Variants in VCPIP1 observed in about 807,000 individuals in gnomAD.
VCPIP1 encodes the protein valosin containing protein interacting protein 1, also known as deubiquitinating protein VCPIP1.
A neutral mutation model predicts 85.0 loss-of-function variants in VCPIP1; 8 were observed. That is an observed-to-expected ratio of 0.09 (90% CI 0.06 to 0.17). The LOEUF (loss-of-function observed/expected upper bound fraction) is 0.17. Among genes scored for constraint, VCPIP1 ranks in the 10% least tolerant of loss-of-function variants. The pLI, the probability that VCPIP1 is intolerant of heterozygous loss-of-function variation, is 1.00. For synonymous variants in VCPIP1, 543 were observed against 544.5 expected (o/e 1.00, Z 0.04); for missense variants, 1,070 against 1,486.3 (o/e 0.72, Z 4.61).
At position 66,649,222 on chromosome 8, in the gene VCPIP1, T is replaced by C. The variant is rs1811028467; in HGVS notation, c.2797+2236A>G. Among the ~76,000 whole-genome samples, 4 of 151,054 alleles carry C rather than the reference T, an allele frequency of 2.6e-5. No homozygotes were observed. The South Asian group carries it at 8.4e-4, about 32-fold the overall frequency. On this transcript the variant is annotated intron_variant, in intron 2 of 2. Transcript: ENST00000310421. ...TTATATAAACAGGCAGCAGGCTGGGTGCAGTAGCTCATGCTTGTAATCTGT... is the reference window on the plus strand; with the variant it reads ...TTATATAAACAGGCAGCAGGCTGGGCGCAGTAGCTCATGCTTGTAATCTGT...
chr8:66,638,974 A>C (rs531556429), intron 2 of VCPIP1, among the ~76,000 whole-genome samples: 2,005 of 132,940 alleles, frequency 0.015, 47 homozygotes, highest in African/African-American at 0.041. Context: ...CTCTCTCTAT[A>C]TATATATATA....
Position 66,666,574 on chromosome 8 carries a change from A to G in VCPIP1, c.385T>C (p.Leu129=), listed in dbSNP as rs746510915. The change falls in exon 1 of 3, where the codon TTG becomes CTG. Residue 129 remains leucine (L), a synonymous_variant. Transcript: ENST00000310421. The surrounding 1 kb of genome is among the most constrained non-coding windows in gnomAD (Gnocchi z 6.3). The stretch of plus-strand genomic sequence containing the variant: ...TAGCGAGCTAATATGGGCGACAACA[A>G]TTTGCAGTGATAGTTGGAAAGGCCC... ...VMGLSNYHCK[L]LSPILARYGM... The G allele has an allele frequency of 6.2e-7, 1 of 1,614,058 alleles. No individual in the cohort carries two copies. Among genetic ancestry groups the G allele is most frequent in the Non-Finnish European group, 8.5e-7 (1 of 1,179,996 alleles).
At chr8:66,658,092 T>C (rs1811117416) in intron 1 of VCPIP1, among the ~76,000 whole-genome samples, 1 of 152,116 alleles carries the variant, frequency 6.6e-6, no homozygotes, top group Non-Finnish European at 1.5e-5. Flanking sequence ...TCCCAGCACT[T>C]TGGGAGGCCC....
rs761465068 is a variant in VCPIP1, at chr8:66,651,534, T to C, written c.2721A>G (p.Val907=). The change falls in exon 2 of 3, where the codon GTA becomes GTG. Residue 907 remains valine (V), a synonymous_variant. Transcript: ENST00000310421. ...CLLATLMGED[V]WSYAKGLPHM... is the part of the protein sequence containing the mutation. ...GAGGAAGTCCCTTTGCATAAGACCATACATCTTCTCCTGTAAGACAAAAAC... is the reference window on the plus strand; with the variant it reads ...GAGGAAGTCCCTTTGCATAAGACCACACATCTTCTCCTGTAAGACAAAAAC... 2 of 1,613,134 alleles carry C rather than the reference T, an allele frequency of 1.2e-6. No homozygotes were observed. Among genetic ancestry groups the C allele is most frequent in the Non-Finnish European group, 1.7e-6 (2 of 1,179,750 alleles).
chr8:66,642,977 A>G (rs986936316), intron 2 of VCPIP1, among the ~76,000 whole-genome samples: 3 of 152,218 alleles, frequency 2.0e-5, no homozygotes, highest in African/African-American at 7.2e-5. Context: ...GAATTTAAAA[A>G]AAGAAGAAAA....
At chr8:66,661,060 A>G (rs143738195) in intron 1 of VCPIP1, among the ~76,000 whole-genome samples, 73 of 152,310 alleles carry the variant, frequency 4.8e-4, no homozygotes, top group African/African-American at 1.5e-3. Flanking sequence ...AATCTTCTAC[A>G]TAATTCAAAT....
chr8:66,646,432 T>G (rs1323913710), intron 2 of VCPIP1, among the ~76,000 whole-genome samples: 5 of 152,182 alleles, frequency 3.3e-5, no homozygotes, highest in Non-Finnish European at 7.3e-5. Flanking sequence ...AGGCACAGCC[T>G]GTATATTCAA....
intron 1 of VCPIP1, among the ~76,000 whole-genome samples, chr8:66,661,428 T>C (rs541067476): frequency 3.3e-5 from 5 of 152,224 alleles, no homozygotes; most frequent in Non-Finnish European, 7.4e-5. Context: ...TATATTTGAT[T>C]AATTTTCATT....
chr8:66,629,185 T>TTAAG lies in VCPIP1; in HGVS notation c.*5312_*5315dup, dbSNP rs1015675610. On this transcript the variant is annotated 3_prime_UTR_variant, in exon 3 of 3. Coordinates refer to ENST00000310421, the MANE Select transcript of VCPIP1 (RefSeq NM_025054.5). ...AATCATCAGATACGTGTTAACTCAT[T>TTAAG]TAAGACAGCCACCCTGGGAGCAGAT... 3.8e-4 allele frequency: 58 copies of TTAAG among 152,230 alleles called. No homozygotes were observed. The highest frequency in any genetic ancestry group is 1.4e-3 in the African/African-American group (57 of 41,534). The allele number at this position is 152,230 out of a possible 1,614,324, so 9.4% of individuals were successfully genotyped here. A position where few individuals can be genotyped will look rare whatever the true frequency, so the allele number is the denominator to read the frequency against.
intron 2 of VCPIP1, among the ~76,000 whole-genome samples, chr8:66,636,888 CCTGATATAT>C (rs1428400529): frequency 3.9e-4 from 60 of 152,000 alleles, no homozygotes; most frequent in African/African-American, 1.4e-3. Flanking sequence ...AGCTGTGATG[CCTGATATAT>C]ACAGTAAAAT....
chr8:66,664,133 A>T (rs970086643), intron 1 of VCPIP1, 116 bp downstream of exon 1: 8 of 1,273,670 alleles, frequency 6.3e-6, no homozygotes, highest in African/African-American at 1.5e-5. Flanking sequence ...CTCTCCTGAA[A>T]TATATAATTA....
chr8:66,640,897 A>G (rs759345126), intron 2 of VCPIP1, among the ~76,000 whole-genome samples: 12 of 152,232 alleles, frequency 7.9e-5, no homozygotes, highest in African/African-American at 2.9e-4. Flanking sequence ...GATGCCAGAG[A>G]AGAACTTGGG....
At chr8:66,661,749 T>A (rs1432889558) in intron 1 of VCPIP1, among the ~76,000 whole-genome samples, 1 of 149,886 alleles carries the variant, frequency 6.7e-6, no homozygotes, top group Admixed American at 6.6e-5. Flanking sequence ...AATCTATATA[T>A]AATCATACCG....
Position 66,666,777 on chromosome 8 carries a change from G to C in VCPIP1, c.182C>G (p.Pro61Arg). The C allele has an allele frequency of 6.2e-7, 1 of 1,613,404 alleles. No individual in the cohort carries two copies. The highest frequency in any genetic ancestry group is 8.5e-7 in the Non-Finnish European group (1 of 1,179,488). Reference protein sequence around the residue: ...DPKCQARLFFPASGSVSIECT... With the variant: ...DPKCQARLFFRASGSVSIECT... ...CTCGATGCTGACAGAACCGGAGGCC[G>C]GGAAAAATAGACGCGCCTGACACTT... Residue 61 changes from proline to arginine, a missense_variant, in exon 1 of 3, where the codon CCG (proline) becomes CGG (arginine). Physicochemically the swap from Pro to Arg is moderately radical, Grantham distance 103 (BLOSUM62 -2). Coordinates refer to ENST00000310421, the MANE Select transcript of VCPIP1 (RefSeq NM_025054.5). The surrounding 1 kb of genome is among the most constrained non-coding windows in gnomAD (Gnocchi z 6.3).
chr8:66,662,490 T>C (rs1811167206), intron 1 of VCPIP1, among the ~76,000 whole-genome samples: 1 of 152,160 alleles, frequency 6.6e-6, no homozygotes, highest in Non-Finnish European at 1.5e-5. Flanking sequence ...GCTGTGTTAA[T>C]GTCATCTATT....
chr8:66,649,017 G>T (rs1299805879), intron 2 of VCPIP1, among the ~76,000 whole-genome samples: 1 of 152,090 alleles, frequency 6.6e-6, no homozygotes, highest in Non-Finnish European at 1.5e-5. Flanking sequence ...AAAAAAATTA[G>T]TCGGGCATGG....
In VCPIP1 at chr8:66,629,316, T is replaced by C. The variant is rs907701828; in HGVS notation, c.*5185A>G. ...GTGTCTAAGGCTATACTCTAAATTA[T>C]TGAGTTAAATGATCTAATAAAATGT... On this transcript the variant is annotated 3_prime_UTR_variant, in exon 3 of 3. Transcript: ENST00000310421. 4 of 152,178 alleles carry C rather than the reference T, an allele frequency of 2.6e-5. No homozygotes were observed. Among genetic ancestry groups the C allele is most frequent in the Non-Finnish European group, 4.4e-5 (3 of 68,016 alleles). The allele number at this position is 152,178 out of a possible 1,614,324, so 9.4% of individuals were successfully genotyped here. A position where few individuals can be genotyped will look rare whatever the true frequency, so the allele number is the denominator to read the frequency against.
rs1439126750 is a variant in VCPIP1, at chr8:66,661,231, T to C, written c.2710+3018A>G. Among the ~76,000 whole-genome samples, 3 of 152,114 alleles carry C rather than the reference T, an allele frequency of 2.0e-5. No individual in the cohort carries two copies. In the East Asian group the frequency reaches 5.8e-4, roughly 29 times the overall value. ...CTTTTACACCCAAATTTTGTGTTGG[T>C]AGTGGAAGAAGTTTTAAAGAAATTT... is the stretch of plus-strand genomic sequence containing the variant. On this transcript the variant is annotated intron_variant, in intron 1 of 2. Transcript: ENST00000310421.
At chr8:66,656,818 C>T (rs1811104619) in intron 1 of VCPIP1, among the ~76,000 whole-genome samples, 1 of 151,996 alleles carries the variant, frequency 6.6e-6, no homozygotes, top group Non-Finnish European at 1.5e-5. Context: ...CCATGTTGGC[C>T]AGGCTGGTCT....
Sources: gnomAD v4.1 joint callset for allele counts (sites outside exome capture counted in the v4.1 genomes callset) on GRCh38, gnomAD v4.1.1 for gene constraint, Gnocchi (gnomAD v3.1) non-coding constraint, MANE v1.5 for transcripts, NCBI Gene and HGNC (gene_info 2026-07-23, HGNC 2026-07-21) for gene names.